The following GALK2 variants were observed in gnomAD, a reference collection of about 807,000 sequenced individuals.
GALK2 encodes N-acetylgalactosamine kinase.
In GALK2, 36 loss-of-function variants were observed where a neutral mutation model predicts 52.4. The ratio of observed to expected loss-of-function variants is 0.69; its 90% CI spans 0.53 to 0.91. The LOEUF is 0.91. Among genes scored for constraint, GALK2 ranks in the 40% least tolerant of loss-of-function variants. The pLI is 0.00. For missense variants in GALK2, 579 were observed against 559.1 expected (o/e 1.04, Z -0.36); for synonymous variants, 176 against 199.1 (o/e 0.88, Z 0.98).
At chr15:49,212,471 A>AC (rs1566942491) in intron 2 of GALK2, among the ~76,000 whole-genome samples, 1 of 151,264 alleles carries the variant, frequency 6.6e-6, no homozygotes, top group East Asian at 1.9e-4. Flanking sequence ...AATTTCATTG[A>AC]TTTTTTTTTG....
rs754169869 is a variant in GALK2, at chr15:49,319,780, C to T, written c.1144C>T (p.Leu382=). 8.1e-6 allele frequency: 13 copies of T among 1,613,834 alleles called. No homozygotes were observed. The highest frequency in any genetic ancestry group is 1.0e-5 in the Non-Finnish European group (12 of 1,179,994). ...CATGTATGAGTGCAGCTGCCCCGAG[C>T]TGGATCAGCTGGTGGACATCTGTCG... ...RDMYECSCPE[L]DQLVDICRKF... Residue 382 remains leucine, a synonymous_variant, in exon 9 of 10, where the codon CTG becomes TTG. Transcript: ENST00000560031.
intron 1 of GALK2, among the ~76,000 whole-genome samples, chr15:49,180,270 T>C (rs534268433): frequency 2.3e-4 from 35 of 152,310 alleles, no homozygotes; most frequent in African/African-American, 8.2e-4. Flanking sequence ...ATTTCATCTG[T>C]ATATGATTTT....
chr15:49,309,174 G>A (rs1201243188), intron 8 of GALK2, among the ~76,000 whole-genome samples: 1 of 152,180 alleles, frequency 6.6e-6, no homozygotes, highest in African/African-American at 2.4e-5. Flanking sequence ...GATTTTGGCA[G>A]TGTTCTTCAC....
chr15:49,239,567 G>C (rs2090995288), intron 5 of GALK2, among the ~76,000 whole-genome samples, 200 bp downstream of exon 5: 1 of 152,208 alleles, frequency 6.6e-6, no homozygotes, highest in Non-Finnish European at 1.5e-5. Flanking sequence ...GAATAGATCT[G>C]TGAATAACTG....
chr15:49,284,150 G>A (rs551935580), intron 7 of GALK2, among the ~76,000 whole-genome samples: 27 of 152,152 alleles, frequency 1.8e-4, no homozygotes, highest in African/African-American at 6.5e-4. Flanking sequence ...CCCAGACCCC[G>A]TACCCAGAAA....
chr15:49,192,842 G>A (rs1205369907), intron 1 of GALK2, among the ~76,000 whole-genome samples: 1 of 151,808 alleles, frequency 6.6e-6, no homozygotes, highest in Non-Finnish European at 1.5e-5. Flanking sequence ...TTAGAGACAG[G>A]TCACCCTATG....
intron 7 of GALK2, among the ~76,000 whole-genome samples, chr15:49,286,787 C>A (rs1409035156): frequency 1.3e-5 from 2 of 152,088 alleles, no homozygotes; most frequent in African/African-American, 4.8e-5. Flanking sequence ...AAATTAGTGT[C>A]TTATTTGTTT....
chr15:49,191,385 A>G (rs1220991493), intron 1 of GALK2, among the ~76,000 whole-genome samples: 1 of 152,050 alleles, frequency 6.6e-6, no homozygotes, highest in Non-Finnish European at 1.5e-5. Flanking sequence ...TGGTTTGCTG[A>G]TGTGGAACTT....
intron 4 of GALK2, among the ~76,000 whole-genome samples, chr15:49,237,469 T>C (rs1290144710): frequency 6.6e-6 from 1 of 151,782 alleles, no homozygotes; most frequent in Non-Finnish European, 1.5e-5. Context: ...TTTGTTTTTT[T>C]GTTTTTGTTT....
chr15:49,251,908 A>G (rs2091618576), intron 5 of GALK2, among the ~76,000 whole-genome samples: 1 of 152,190 alleles, frequency 6.6e-6, no homozygotes. Context: ...TACTCTATCC[A>G]ATGTAATATA....
At chr15:49,264,548 C>T (rs908719794) in intron 5 of GALK2, among the ~76,000 whole-genome samples, 18 of 152,148 alleles carry the variant, frequency 1.2e-4, no homozygotes, top group African/African-American at 1.4e-4. Context: ...GTAATTTGAT[C>T]GTCTGAAGCC....
chr15:49,321,364 C>A (rs889202512), intron 9 of GALK2, among the ~76,000 whole-genome samples: 5 of 152,150 alleles, frequency 3.3e-5, no homozygotes, highest in African/African-American at 9.7e-5. Flanking sequence ...GGAGCCACAC[C>A]ATATAGGCCG....
chr15:49,355,562 C>G (rs1381933108), intron 3 of GALK2, among the ~76,000 whole-genome samples: 1 of 152,182 alleles, frequency 6.6e-6, no homozygotes. Flanking sequence ...AAGAAATGAG[C>G]AAAGCCTCCA....
intron 5 of GALK2, among the ~76,000 whole-genome samples, chr15:49,258,188 G>A (rs1219770342): frequency 2.0e-5 from 3 of 152,080 alleles, no homozygotes; most frequent in Non-Finnish European, 2.9e-5. Flanking sequence ...CTGGGGTAGA[G>A]CAATTACTAA....
chr15:49,326,079 C>T (rs968314766), intron 9 of GALK2, among the ~76,000 whole-genome samples: 3 of 152,014 alleles, frequency 2.0e-5, no homozygotes, highest in Non-Finnish European at 2.9e-5. Context: ...TCCAGCAAAA[C>T]GGCATATTTT....
intron 1 of GALK2, chr15:49,178,477 A>G (rs934239087): frequency 7.2e-6 from 2 of 276,222 alleles, no homozygotes; most frequent in South Asian, 9.6e-5. Flanking sequence ...GCTGGTTAAC[A>G]CCACAGTGGA....
intron 3 of GALK2, among the ~76,000 whole-genome samples, chr15:49,347,417 T>C (rs908584230): frequency 3.3e-5 from 5 of 152,208 alleles, no homozygotes; most frequent in African/African-American, 4.8e-5. Flanking sequence ...GCTTCTCCTT[T>C]CTACTATAGC....
At chr15:49,287,070 T>C (rs1339150463) in intron 7 of GALK2, among the ~76,000 whole-genome samples, 1 of 152,196 alleles carries the variant, frequency 6.6e-6, no homozygotes, top group Non-Finnish European at 1.5e-5. Context: ...GGAATGTTTT[T>C]TGAGAGTTAA....
intron 5 of GALK2, among the ~76,000 whole-genome samples, chr15:49,272,826 A>G (rs2030927629): frequency 6.6e-6 from 1 of 152,180 alleles, no homozygotes; most frequent in African/African-American, 2.4e-5. Flanking sequence ...TTTGAATAAA[A>G]TACTTTGCTC....
Sources: allele counts gnomAD v4.1 joint callset (sites outside exome capture counted in the v4.1 genomes callset), GRCh38; gene constraint gnomAD v4.1.1; transcripts MANE v1.5; gene names NCBI Gene and HGNC (gene_info 2026-07-23, HGNC 2026-07-21).